Variants in NALF1 observed in about 807,000 individuals in gnomAD.
The protein encoded by NALF1 is family with sequence similarity 155 member A.
In NALF1, 3 loss-of-function variants were observed where a neutral mutation model predicts 48.4. The ratio of observed to expected loss-of-function variants is 0.06; its 90% CI spans 0.03 to 0.16. The LOEUF (loss-of-function observed/expected upper bound fraction) is 0.16. NALF1 is among the 10% of genes least tolerant of loss of function. The pLI, the probability that NALF1 is intolerant of heterozygous loss-of-function variation, is 1.00. For missense variants in NALF1, 526 were observed against 571.5 expected (o/e 0.92, Z 0.81); for synonymous variants, 262 against 245.7 (o/e 1.07, Z -0.62).
chr13:107,333,504 G>A (rs1181993448), intron 1 of NALF1, among the ~76,000 whole-genome samples: 1 of 152,186 alleles, frequency 6.6e-6, no homozygotes, highest in Non-Finnish European at 1.5e-5. Flanking sequence ...GACCTGTGGA[G>A]GGACTCACAT....
intron 1 of NALF1, among the ~76,000 whole-genome samples, chr13:107,741,748 A>G (rs545511675): frequency 6.6e-6 from 1 of 152,298 alleles, no homozygotes; most frequent in East Asian, 1.9e-4. Context: ...ACTGAATGAG[A>G]AACTGGCTGA....
rs147877894 is a variant in NALF1 at position 107,586,493 on chromosome 13, A to G, written c.915+279189T>C. On this transcript the variant is annotated intron_variant, in intron 1 of 2. Coordinates refer to ENST00000375915, the MANE Select transcript of NALF1 (RefSeq NM_001080396.3). ...ACCATTCTGTTATGAGTCCATTTCA[A>G]ATTTTTTAAAGGCTATTTAAATAAA... 2.7e-3 allele frequency among the ~76,000 whole-genome samples: 404 copies of G among 151,072 alleles called. 2 individuals are homozygous for G. Among genetic ancestry groups the G allele is most frequent in the Admixed American group, 0.022 (329 of 15,112 alleles).
At chr13:107,797,985 A>G (rs768981314) in intron 1 of NALF1, among the ~76,000 whole-genome samples, 4 of 152,194 alleles carry the variant, frequency 2.6e-5, no homozygotes, top group Non-Finnish European at 5.9e-5. Flanking sequence ...ACCAATTTAA[A>G]CAGCATATCC....
At chr13:107,302,994 T>A (rs534008034) in intron 1 of NALF1, among the ~76,000 whole-genome samples, 1 of 152,336 alleles carries the variant, frequency 6.6e-6, no homozygotes, top group East Asian at 1.9e-4. Context: ...AGGCCTTGAG[T>A]TGAACTTGCA....
chr13:107,412,193 C>T (rs1476989499), intron 1 of NALF1, among the ~76,000 whole-genome samples: 2 of 152,090 alleles, frequency 1.3e-5, no homozygotes, highest in African/African-American at 2.4e-5. Flanking sequence ...CCTCATTTCT[C>T]TCTGAAAAAA....
chr13:107,769,579 T>C (rs112985945), intron 1 of NALF1, among the ~76,000 whole-genome samples: 4 of 148,774 alleles, frequency 2.7e-5, no homozygotes, highest in Non-Finnish European at 5.9e-5. Context: ...TCGGGAGATA[T>C]ACCTAATGCT....
intron 1 of NALF1, among the ~76,000 whole-genome samples, chr13:107,438,191 A>G (rs1383356465): frequency 6.6e-6 from 1 of 152,214 alleles, no homozygotes; most frequent in African/African-American, 2.4e-5. Context: ...AGGTTAACAC[A>G]AGTCAAATGT....
chr13:107,732,231 A>G (rs1418507657), intron 1 of NALF1, among the ~76,000 whole-genome samples: 5 of 151,956 alleles, frequency 3.3e-5, no homozygotes, highest in South Asian at 2.1e-4. Context: ...TGCATCCTCT[A>G]TATACTATAT....
chr13:107,621,642 G>A (rs1186875818), intron 1 of NALF1, among the ~76,000 whole-genome samples: 2 of 152,144 alleles, frequency 1.3e-5, no homozygotes, highest in Non-Finnish European at 2.9e-5. Flanking sequence ...GTTCCTTAGG[G>A]ACAATGCACA....
At chr13:107,305,959 C>T (rs1343115018) in intron 1 of NALF1, among the ~76,000 whole-genome samples, 4 of 152,198 alleles carry the variant, frequency 2.6e-5, no homozygotes, top group African/African-American at 2.4e-5. Flanking sequence ...GTAATTTTTA[C>T]CTTAAACACT....
intron 1 of NALF1, among the ~76,000 whole-genome samples, chr13:107,627,178 AAAGT>A (rs1226487253): frequency 6.6e-6 from 1 of 152,110 alleles, no homozygotes; most frequent in East Asian, 1.9e-4. Context: ...TGAACTCAGG[AAAGT>A]TTTAATTACA....
intron 1 of NALF1, among the ~76,000 whole-genome samples, chr13:107,452,589 C>A (rs1227208639): frequency 1.3e-5 from 2 of 152,168 alleles, no homozygotes; most frequent in African/African-American, 4.8e-5. Flanking sequence ...GATTACAATT[C>A]AAGATGAGAC....
chr13:107,239,074 G>T (rs1036076255), intron 1 of NALF1, among the ~76,000 whole-genome samples: 1 of 152,022 alleles, frequency 6.6e-6, no homozygotes, highest in African/African-American at 2.4e-5. Flanking sequence ...ATTTACAGAA[G>T]GTCAAATTAA....
intron 1 of NALF1, among the ~76,000 whole-genome samples, chr13:107,434,696 G>A (rs1190400014): frequency 1.3e-5 from 2 of 152,152 alleles, no homozygotes; most frequent in Non-Finnish European, 2.9e-5. Flanking sequence ...TTCTAGCTCT[G>A]CCACTTAAAA....
At chr13:107,756,870 A>G (rs1032005898) in intron 1 of NALF1, among the ~76,000 whole-genome samples, 3 of 152,158 alleles carry the variant, frequency 2.0e-5, no homozygotes, top group African/African-American at 7.2e-5. Context: ...AAGTTTAAGG[A>G]TATGATTTTG....
chr13:107,551,357 C>A (rs1455395802), intron 1 of NALF1, among the ~76,000 whole-genome samples: 2 of 152,090 alleles, frequency 1.3e-5, no homozygotes, highest in East Asian at 1.9e-4. Context: ...ATAATCATAT[C>A]TTTATCATCA....
chr13:107,466,862 T>C (rs970313841), intron 1 of NALF1, among the ~76,000 whole-genome samples: 1 of 151,810 alleles, frequency 6.6e-6, no homozygotes, highest in Non-Finnish European at 1.5e-5. Flanking sequence ...TTCAGGGTGT[T>C]GTCTCGGTTT....
At chr13:107,240,531 G>C (rs1032776692) in intron 1 of NALF1, among the ~76,000 whole-genome samples, 1 of 152,146 alleles carries the variant, frequency 6.6e-6, no homozygotes, top group African/African-American at 2.4e-5. Flanking sequence ...ATTATCATTT[G>C]TATAATAACT....
chr13:107,493,266 G>A (rs1875207206), intron 1 of NALF1, among the ~76,000 whole-genome samples: 2 of 151,990 alleles, frequency 1.3e-5, no homozygotes, highest in African/African-American at 4.8e-5. Context: ...GGAAATCTTT[G>A]TACAATAAGA....
Sources: gnomAD v4.1 joint callset for allele counts (sites outside exome capture counted in the v4.1 genomes callset) on GRCh38, gnomAD v4.1.1 for gene constraint, MANE v1.5 for transcripts, NCBI Gene and HGNC (gene_info 2026-07-23, HGNC 2026-07-21) for gene names.